MYO18A: variants seen among roughly 807,000 people sequenced by gnomAD.
The protein encoded by MYO18A is myosin XVIIIA, also known as unconventional myosin-XVIIIa.
MYO18A carries 78 observed loss-of-function variants against 235.8 expected under a neutral mutation model. That is an observed-to-expected ratio of 0.33 (90% CI 0.28 to 0.40). The LOEUF (loss-of-function observed/expected upper bound fraction) is 0.40. Ranked by LOEUF, MYO18A falls within the 10% of genes least tolerant of loss-of-function variation. MYO18A has a pLI of 1.00. For synonymous variants in MYO18A, 977 were observed against 1,077.8 expected, an observed-to-expected ratio of 0.91 and a Z score of 1.83; for missense variants, 2,215 against 2,699.3, an observed-to-expected ratio of 0.82 and a Z score of 3.98.
intron 1 of MYO18A, among the ~76,000 whole-genome samples, chr17:29,174,075 T>C (rs903452815): frequency 2.6e-5 from 4 of 152,140 alleles, no homozygotes; most frequent in African/African-American, 7.2e-5. Flanking sequence ...ACCTGGCATA[T>C]GAAAATATTT....
chr17:29,121,712 G>C lies in MYO18A; in HGVS notation c.1206C>G (p.Pro402=). 6.4e-7 allele frequency: 1 copy of C among 1,570,782 alleles called. No homozygotes were observed. Among genetic ancestry groups the C allele is most frequent in the African/African-American group, 1.4e-5 (1 of 73,920 alleles). ...DEDDVEKANA[P]SCDRLEDLAS... ...CCAGATCCTCCAGACGGTCGCAGGA[G>C]GGAGCATTAGCCTGTGTGGGAGGAC... The change falls in exon 5 of 42, where the codon CCC becomes CCG. Residue 402 remains proline, a synonymous_variant. Coordinates refer to ENST00000527372, the MANE Select transcript of MYO18A (RefSeq NM_078471.4). The surrounding 1 kb of genome is among the most constrained non-coding windows in gnomAD (Gnocchi z 4.2).
intron 2 of MYO18A, chr17:29,165,537 T>A (rs1459251930): frequency 5.6e-6 from 1 of 177,176 alleles, no homozygotes. Context: ...TGAATTCAGT[T>A]AGGTCAATCC....
chr17:29,128,251 TC>T (rs2067374091), intron 2 of MYO18A: 1 of 1,167,840 alleles, frequency 8.6e-7, no homozygotes, highest in South Asian at 1.6e-5. Context: ...CCCTCTTGCT[TC>T]GAGTCGGGTG....
intron 20 of MYO18A, 22 bp downstream of exon 20, chr17:29,107,058 C>A (rs369778079): frequency 1.9e-6 from 3 of 1,605,560 alleles, no homozygotes; most frequent in Non-Finnish European, 2.6e-6. Flanking sequence ...AGAGGGAGAG[C>A]GGTCTGGGGA....
intron 1 of MYO18A, among the ~76,000 whole-genome samples, chr17:29,169,953 G>A (rs1890059377): frequency 1.3e-5 from 2 of 152,210 alleles, no homozygotes; most frequent in African/African-American, 4.8e-5. Flanking sequence ...GTTCCTCACT[G>A]TCATTGCAGC....
At chr17:29,097,411 G>T in intron 26 of MYO18A, 61 bp from the exon 27 acceptor site, 1 of 1,588,298 alleles carries the variant, frequency 6.3e-7, no homozygotes, top group Non-Finnish European at 8.5e-7. Context: ...AAGGGGCAGA[G>T]GGGAAGGAGG....
intron 2 of MYO18A, among the ~76,000 whole-genome samples, chr17:29,127,181 A>T (rs2067341937): frequency 2.0e-5 from 3 of 152,166 alleles, no homozygotes; most frequent in Non-Finnish European, 2.9e-5. Context: ...AGCCCCCCCA[A>T]ACAAAATATT....
At position 29,093,935 on chromosome 17, in the gene MYO18A, G is replaced by A. The variant is rs1001034093; in HGVS notation, c.4821+45C>T. 10 of 1,398,238 alleles carry A rather than the reference G, an allele frequency of 7.2e-6. No homozygotes were observed. In the African/African-American group the frequency reaches 1.4e-4, roughly 20 times the overall value. 86.6% of individuals were successfully genotyped at this position (1,398,238 alleles called of 1,614,324 possible). ...AGCCCCTTACTTTAAAGCGGTGATG[G>A]GAACAGGTGTTTACGCTGGACAGGT... On this transcript the variant is annotated intron_variant, in intron 31 of 41. Transcript: ENST00000527372.
chr17:29,075,324 A>G (rs2065948273), intron 41 of MYO18A: 2 of 183,722 alleles, frequency 1.1e-5, no homozygotes, highest in African/African-American at 4.7e-5. Context: ...TCTGGTGAGT[A>G]CAACTTGTCT....
At position 29,111,686 on chromosome 17, in the gene MYO18A, G is replaced by A; in HGVS notation, c.2740+36C>T. ...ACCTGGACCCACCTGTATGTAAGAG[G>A]AAGCAGAGGAGCTACCCTCTAGGGA... On this transcript the variant is annotated intron_variant, in intron 16 of 41. Transcript: ENST00000527372. The surrounding 1 kb of genome is among the most constrained non-coding windows in gnomAD (Gnocchi z 5.1). 1 of 1,612,742 alleles carries A rather than the reference G, an allele frequency of 6.2e-7. No individual in the cohort carries two copies. Among genetic ancestry groups the A allele is most frequent in the African/African-American group, 1.3e-5 (1 of 74,964 alleles).
chr17:29,074,675 C>A lies in MYO18A; in HGVS notation c.*95G>T. On this transcript the variant is annotated 3_prime_UTR_variant, in exon 42 of 42. Transcript: ENST00000527372. The surrounding 1 kb of genome is among the most constrained non-coding windows in gnomAD (Gnocchi z 4.4). Reference sequence around the variant, plus strand: ...GGTGTTTCCCATGCAGATCAGCAGTCGGGTGGGGGAGACCGGTGCCCCACC... The same window carrying A: ...GGTGTTTCCCATGCAGATCAGCAGTAGGGTGGGGGAGACCGGTGCCCCACC... 1 of 1,376,612 alleles carries A rather than the reference C, an allele frequency of 7.3e-7. No homozygotes were observed. The allele number at this position is 1,376,612 out of a possible 1,614,324, so 85.3% of individuals were successfully genotyped here. A position where few individuals can be genotyped will look rare whatever the true frequency, so the allele number is the denominator to read the frequency against.
In MYO18A at chr17:29,111,768, C is replaced by G. The variant is rs759074255; in HGVS notation, c.2694G>C (p.Leu898=). The change falls in exon 16 of 42, where the codon CTG becomes CTC. Residue 898 remains leucine, a synonymous_variant. Transcript: ENST00000527372. The surrounding 1 kb of genome is among the most constrained non-coding windows in gnomAD (Gnocchi z 5.1). ...LVPGASEDTL[L]ERLFSYYGPQ... is the part of the protein sequence containing the mutation. ...GGCCATAATAGGAGAAAAGGCGCTC[C>G]AGGAGGGTGTCCTCACTGGCCCCTG... 1.1e-5 allele frequency: 17 copies of G among 1,613,704 alleles called. No individual in the cohort carries two copies. Among genetic ancestry groups the G allele is most frequent in the Non-Finnish European group, 1.4e-5 (16 of 1,179,816 alleles).
At chr17:29,119,717 C>T (rs1051789430) in intron 7 of MYO18A, among the ~76,000 whole-genome samples, 4 of 152,006 alleles carry the variant, frequency 2.6e-5, no homozygotes, top group African/African-American at 9.7e-5. Context: ...GCATGCACCA[C>T]CATACCCGGC....
chr17:29,083,621 A>T (rs1490710691), intron 40 of MYO18A, among the ~76,000 whole-genome samples: 1 of 152,074 alleles, frequency 6.6e-6, no homozygotes. Flanking sequence ...GGGAATAAAG[A>T]GGCATGTTTT....
At chr17:29,136,171 G>A (rs1313891201) in intron 2 of MYO18A, among the ~76,000 whole-genome samples, 1 of 150,210 alleles carries the variant, frequency 6.7e-6, no homozygotes, top group African/African-American at 2.5e-5. Context: ...AGAGGTTGTA[G>A]TGAGCAGAGA....
At chr17:29,130,518 AC>A (rs1175157006) in intron 2 of MYO18A, among the ~76,000 whole-genome samples, 6 of 132,472 alleles carry the variant, frequency 4.5e-5, no homozygotes, top group African/African-American at 1.8e-4. Context: ...ACACACACAC[AC>A]ACACACACAA....
chr17:29,165,911 G>A (rs1477619131), intron 2 of MYO18A, 31 bp downstream of exon 2: 1 of 1,589,834 alleles, frequency 6.3e-7, no homozygotes, highest in Non-Finnish European at 8.6e-7. Flanking sequence ...CCCCATCCCT[G>A]CTTAGCCCAG....
In MYO18A at chr17:29,121,732, G is replaced by A. The variant is rs779565352; in HGVS notation, c.1195-9C>T. The A allele has an allele frequency of 8.2e-6, 13 of 1,576,200 alleles. 1 individual carries two copies. In the South Asian group the frequency reaches 1.5e-4, roughly 18 times the overall value. ...CAGGAGGGAGCATTAGCCTGTGTGG[G>A]AGGACAGGCGGGTGGGTATTAGAGC... On this transcript the variant is annotated splice_polypyrimidine_tract_variant and intron_variant, in intron 4 of 41. Transcript: ENST00000527372. The surrounding 1 kb of genome is among the most constrained non-coding windows in gnomAD (Gnocchi z 4.2).
rs1255921830 is a variant in MYO18A, at chr17:29,166,124, C to T, written c.817G>A (p.Gly273Arg). The change falls in exon 2 of 42, where the codon GGA (glycine) becomes AGA (arginine). Residue 273 changes from glycine (G) to arginine (R), a missense_variant. Physicochemically the swap from Gly to Arg is moderately radical, Grantham distance 125 (BLOSUM62 -2). Transcript: ENST00000527372. ...CCATTAATCTCCACCAGTCGATCTC[C>T]TGGCACCAGCCCCAGGGCCAGGTCC... ...TKDLALGLVPGDRLVEINGHN... is the reference protein window; with the variant it reads ...TKDLALGLVPRDRLVEINGHN... 2 of 1,613,256 alleles carry T rather than the reference C, an allele frequency of 1.2e-6. No homozygotes were observed. The highest frequency in any genetic ancestry group is 1.7e-6 in the Non-Finnish European group (2 of 1,179,906).
Sources: gnomAD v4.1 joint callset for allele counts (sites outside exome capture counted in the v4.1 genomes callset) on GRCh38, gnomAD v4.1.1 for gene constraint, Gnocchi (gnomAD v3.1) non-coding constraint, MANE v1.5 for transcripts, NCBI Gene and HGNC (gene_info 2026-07-23, HGNC 2026-07-21) for gene names.